The following SRGAP3 variants were observed in gnomAD, a reference collection of about 807,000 sequenced individuals.
SRGAP3 encodes the protein SLIT-ROBO Rho GTPase-activating protein 3.
In SRGAP3, 39 loss-of-function variants were observed where a neutral mutation model predicts 121.1. The observed-to-expected ratio is 0.32, with a 90% CI of 0.25 to 0.42. The LOEUF is 0.42. SRGAP3 is among the 10% of genes least tolerant of loss of function. The pLI, the probability that SRGAP3 is intolerant of heterozygous loss-of-function variation, is 1.00. For missense variants in SRGAP3, 1,213 were observed against 1,470.6 expected, an observed-to-expected ratio of 0.82 and a Z score of 2.86; for synonymous variants, 601 against 570.0, an observed-to-expected ratio of 1.05 and a Z score of -0.77.
chr3:9,314,275 G>T (rs963991516), intron 3 of SRGAP3, among the ~76,000 whole-genome samples: 9 of 152,120 alleles, frequency 5.9e-5, no homozygotes, highest in Non-Finnish European at 1.0e-4. Context: ...GATGTTCCAG[G>T]GCAGGTGTGG....
chr3:9,331,781 A>G (rs1225841462), intron 1 of SRGAP3, among the ~76,000 whole-genome samples: 1 of 152,186 alleles, frequency 6.6e-6, no homozygotes, highest in Non-Finnish European at 1.5e-5. Flanking sequence ...GCCTAAAATG[A>G]AATACCACAT....
chr3:9,096,599 T>C (rs1947976779), intron 3 of SRGAP3, among the ~76,000 whole-genome samples: 1 of 152,022 alleles, frequency 6.6e-6, no homozygotes, highest in Non-Finnish European at 1.5e-5. Context: ...AAGCATGCCT[T>C]TTAAGAGTCA....
At chr3:9,311,630 C>A (rs902418532) in intron 3 of SRGAP3, among the ~76,000 whole-genome samples, 7 of 152,174 alleles carry the variant, frequency 4.6e-5, no homozygotes, top group African/African-American at 1.7e-4. Flanking sequence ...TCACATGTCA[C>A]AAAATGTTAT....
At chr3:9,032,427 C>T (rs1374844521) in intron 12 of SRGAP3, among the ~76,000 whole-genome samples, 1 of 152,278 alleles carries the variant, frequency 6.6e-6, no homozygotes, top group East Asian at 1.9e-4. Flanking sequence ...TGAATCCCTA[C>T]CCCCAGGGCT....
At chr3:9,141,163 A>G (rs1353968995) in intron 1 of SRGAP3, among the ~76,000 whole-genome samples, 1 of 152,186 alleles carries the variant, frequency 6.6e-6, no homozygotes, top group African/African-American at 2.4e-5. Context: ...AGAGCAGGCC[A>G]GCCCCCACTC....
chr3:9,158,887 G>A (rs998454020), intron 1 of SRGAP3, among the ~76,000 whole-genome samples: 6 of 152,130 alleles, frequency 3.9e-5, no homozygotes, highest in African/African-American at 7.2e-5. Context: ...AAACATAGCC[G>A]TGGGCTGACC....
At chr3:9,267,017 C>G (rs1231013256) in intron 3 of SRGAP3, among the ~76,000 whole-genome samples, 1 of 152,122 alleles carries the variant, frequency 6.6e-6, no homozygotes, top group African/African-American at 2.4e-5. Flanking sequence ...TATTTGGACC[C>G]AATCTCTTTT....
intron 3 of SRGAP3, among the ~76,000 whole-genome samples, chr3:9,289,515 G>T (rs1362060728): frequency 6.6e-6 from 1 of 152,164 alleles, no homozygotes; most frequent in East Asian, 1.9e-4. Context: ...CATCACTTTG[G>T]TTGTGTGAAT....
At chr3:9,260,775 C>T (rs1954237866) in intron 3 of SRGAP3, among the ~76,000 whole-genome samples, 1 of 152,232 alleles carries the variant, frequency 6.6e-6, no homozygotes, top group South Asian at 2.1e-4. Flanking sequence ...AGATTCACAG[C>T]TCTGAAGTGA....
rs950313647 is a variant in SRGAP3 at position 8,984,697 on chromosome 3, C to A, written c.*822G>T. ...CTTTGGGAGTACAGTTGGCCTTTGG[C>A]CTCCGGGTGGAAGGGCAGGGTCTCT... On this transcript the variant is annotated 3_prime_UTR_variant, in exon 22 of 22. Coordinates refer to ENST00000383836, the MANE Select transcript of SRGAP3 (RefSeq NM_014850.4). 2 of 232,694 alleles carry A rather than the reference C, an allele frequency of 8.6e-6. No homozygotes were observed. Among genetic ancestry groups the A allele is most frequent in the East Asian group, 6.1e-5 (1 of 16,470 alleles). 14.4% of individuals were successfully genotyped at this position (232,694 alleles called of 1,614,324 possible).
chr3:9,154,984 G>T (rs539152829), intron 1 of SRGAP3, among the ~76,000 whole-genome samples: 291 of 148,166 alleles, frequency 2.0e-3, no homozygotes, highest in African/African-American at 6.9e-3. Flanking sequence ...GAGGTGGTTT[G>T]TTTTATGTTT....
intron 1 of SRGAP3, among the ~76,000 whole-genome samples, chr3:9,346,465 G>T (rs1955892862): frequency 1.3e-5 from 2 of 151,888 alleles, no homozygotes; most frequent in African/African-American, 4.8e-5. Context: ...TGCCATTTTT[G>T]GTTGTTATTT....
chr3:9,157,641 T>G (rs370884829), intron 1 of SRGAP3, among the ~76,000 whole-genome samples: 1 of 152,158 alleles, frequency 6.6e-6, no homozygotes, highest in East Asian at 1.9e-4. Context: ...AGAGTAATGA[T>G]AGAGTCTGTC....
chr3:9,326,683 A>C (rs1955525122), intron 2 of SRGAP3, among the ~76,000 whole-genome samples: 1 of 151,834 alleles, frequency 6.6e-6, no homozygotes, highest in Non-Finnish European at 1.5e-5. Flanking sequence ...ATTTGACTTA[A>C]GACCATGGAG....
chr3:9,073,236 C>T (rs1165887575), intron 4 of SRGAP3, among the ~76,000 whole-genome samples: 1 of 152,216 alleles, frequency 6.6e-6, no homozygotes, highest in Non-Finnish European at 1.5e-5. Flanking sequence ...CTTCACCTCC[C>T]AAGCTCAGGT....
chr3:9,101,695 C>T lies in SRGAP3; in HGVS notation c.423+2985G>A, dbSNP rs200729074. 4.6e-5 allele frequency among the ~76,000 whole-genome samples: 7 copies of T among 152,280 alleles called. No homozygotes were observed. The East Asian group carries it at 1.2e-3, about 25-fold the overall frequency. On this transcript the variant is annotated intron_variant, in intron 3 of 21. Transcript: ENST00000383836. ...GTAACATCCTTTGTTCCTCTGAAGC[C>T]CCGCATGCCCGAAGCCAGGCTTATA...
chr3:9,168,754 G>C (rs374928972), intron 1 of SRGAP3, among the ~76,000 whole-genome samples: 17 of 152,328 alleles, frequency 1.1e-4, no homozygotes, highest in Admixed American at 7.8e-4. Context: ...AGAGAGAAGG[G>C]AGAAAAAGGA....
intron 20 of SRGAP3, among the ~76,000 whole-genome samples, chr3:8,991,859 T>C (rs1942072745): frequency 6.6e-6 from 1 of 151,922 alleles, no homozygotes; most frequent in Non-Finnish European, 1.5e-5. Context: ...GACCAAAGCA[T>C]AGGTATTGGA....
At chr3:9,150,678 A>G (rs569741482) in intron 1 of SRGAP3, among the ~76,000 whole-genome samples, 1 of 152,308 alleles carries the variant, frequency 6.6e-6, no homozygotes, top group South Asian at 2.1e-4. Context: ...GTTTACTACT[A>G]AAATCTACAG....
Sources: gnomAD v4.1 joint callset for allele counts (sites outside exome capture counted in the v4.1 genomes callset) on GRCh38, gnomAD v4.1.1 for gene constraint, MANE v1.5 for transcripts, NCBI Gene and HGNC (gene_info 2026-07-23, HGNC 2026-07-21) for gene names.